Variants in IZUMO4 observed in about 807,000 individuals in gnomAD.
IZUMO4 encodes the protein IZUMO family member 4, also known as izumo sperm-egg fusion protein 4.
A neutral mutation model predicts 37.1 loss-of-function variants in IZUMO4; 51 were observed. The ratio of observed to expected loss-of-function variants is 1.38; its 90% CI spans 1.10 to 1.74. The LOEUF (loss-of-function observed/expected upper bound fraction) is 1.74. Ranked by LOEUF, IZUMO4 falls within the 40% of genes most tolerant of loss-of-function variation. The pLI, the probability that IZUMO4 is intolerant of heterozygous loss-of-function variation, is 0.00. For missense variants in IZUMO4, 364 were observed against 299.6 expected, an observed-to-expected ratio of 1.21 and a Z score of -1.59; for synonymous variants, 162 against 121.4, an observed-to-expected ratio of 1.33 and a Z score of -2.20.
Position 2,098,139 on chromosome 19 carries a change from G to A in IZUMO4, c.473+12G>A, listed in dbSNP as rs753599981. The A allele has an allele frequency of 2.5e-6, 4 of 1,613,330 alleles. No individual in the cohort carries two copies. The highest frequency in any genetic ancestry group is 3.4e-6 in the Non-Finnish European group (4 of 1,179,892). On this transcript the variant is annotated intron_variant, in intron 5 of 9. Coordinates refer to ENST00000395301, the MANE Select transcript of IZUMO4 (RefSeq NM_001039846.2). Reference sequence around the variant, plus strand: ...GGCTATAACTGCGAGTAGGGCTCAGGCATCACACCCACCCGTGCCAGGGCC... The same window carrying A: ...GGCTATAACTGCGAGTAGGGCTCAGACATCACACCCACCCGTGCCAGGGCC...
At position 2,097,957 on chromosome 19, in the gene IZUMO4, T is replaced by G; in HGVS notation, c.397+2T>G. ...GCATCGACTGTCAGCACCGCTGTGG[T>G]AAGCAAGGCTCCGTCCAGGCTGAGG... is the stretch of plus-strand genomic sequence containing the variant. On this transcript the variant is annotated splice_donor_variant, in intron 4 of 9. Transcript: ENST00000395301. LOFTEE classifies it high-confidence loss of function. 1.2e-6 allele frequency: 2 copies of G among 1,613,184 alleles called. No individual in the cohort carries two copies. The highest frequency in any genetic ancestry group is 1.3e-5 in the African/African-American group (1 of 75,048).
In IZUMO4 at chr19:2,097,985, C is replaced by A. The variant is rs116088503; in HGVS notation, c.397+30C>A. The stretch of plus-strand genomic sequence containing the variant: ...GCAAGGCTCCGTCCAGGCTGAGGGG[C>A]GTGCCGGTGGCAGCTCGGGGCCCTG... On this transcript the variant is annotated intron_variant, in intron 4 of 9. Coordinates refer to ENST00000395301, the MANE Select transcript of IZUMO4 (RefSeq NM_001039846.2). 1.5e-3 allele frequency: 2,462 copies of A among 1,613,122 alleles called. 38 individuals are homozygous for A. In the African/African-American group the frequency reaches 0.027, roughly 18 times the overall value.
chr19:2,099,486 A>AGGGC lies in IZUMO4; in HGVS notation c.*145_*148dup, dbSNP rs564560028. 377 of 364,866 alleles carry AGGGC rather than the reference A, an allele frequency of 1.0e-3. 1 individual carries two copies. Among genetic ancestry groups the AGGGC allele is most frequent in the African/African-American group, 7.6e-3 (350 of 45,798 alleles). 22.6% of individuals were successfully genotyped at this position (364,866 alleles called of 1,614,324 possible). A position where few individuals can be genotyped will look rare whatever the true frequency, so the allele number is the denominator to read the frequency against. On this transcript the variant is annotated 3_prime_UTR_variant, in exon 10 of 10. Transcript: ENST00000395301. The stretch of plus-strand genomic sequence containing the variant: ...CAGAGCTGAGCTGGCCAGGGCCAGG[A>AGGGC]GGGCGGGAGGGAGGGAATGGGGGTG...
At chr19:2,097,886 A>C in intron 3 of IZUMO4, 43 bp from the exon 4 acceptor site, 1 of 1,611,076 alleles carries the variant, frequency 6.2e-7, no homozygotes, top group Non-Finnish European at 8.5e-7. Flanking sequence ...GACTGGGGAC[A>C]AGGCTGGGCC....
At chr19:2,099,155 G>A in intron 9 of IZUMO4, 100 bp from the exon 10 acceptor site, 2 of 1,378,010 alleles carry the variant, frequency 1.5e-6, no homozygotes, top group Non-Finnish European at 2.1e-6. Flanking sequence ...GCCACACATA[G>A]GACCACACGT....
chr19:2,098,202 G>C, intron 5 of IZUMO4, 75 bp downstream of exon 5: 2 of 1,609,856 alleles, frequency 1.2e-6, no homozygotes, highest in Non-Finnish European at 1.7e-6. Context: ...CTTGGAGGGG[G>C]CTCCCCGCCT....
chr19:2,098,147 C>T lies in IZUMO4; in HGVS notation c.473+20C>T. ...CTGCGAGTAGGGCTCAGGCATCACA[C>T]CCACCCGTGCCAGGGCCCTACTGTC... On this transcript the variant is annotated intron_variant, in intron 5 of 9. Transcript: ENST00000395301. 2 of 1,612,830 alleles carry T rather than the reference C, an allele frequency of 1.2e-6. No homozygotes were observed. The highest frequency in any genetic ancestry group is 1.7e-6 in the Non-Finnish European group (2 of 1,179,380).
chr19:2,098,255 G>C, intron 5 of IZUMO4, 32 bp from the exon 6 acceptor site: 2 of 1,613,498 alleles, frequency 1.2e-6, no homozygotes, highest in South Asian at 1.1e-5. Context: ...GTGGGTTCAG[G>C]GGCGCACCAC....
Position 2,099,255 on chromosome 19 carries a change from C to T in IZUMO4, c.609C>T (p.Phe203=), listed in dbSNP as rs1190507887. 2.0e-5 allele frequency: 32 copies of T among 1,612,808 alleles called. No homozygotes were observed. Among genetic ancestry groups the T allele is most frequent in the Non-Finnish European group, 2.5e-5 (30 of 1,179,454 alleles). ...CTGAGGCAGCCTCGTCTCCCCGCAG[C>T]CTGGTATCGCCAGCCTTAAGGTGTC... The part of the protein sequence containing the change: ...WPGTHRATPA[F]LVSPALRCLE... The change falls in exon 10 of 10, where the codon TTC becomes TTT. Residue 203 remains phenylalanine, a splice_region_variant and synonymous_variant. Transcript: ENST00000395301.
At position 2,098,338 on chromosome 19, in the gene IZUMO4, A is replaced by G. The variant is rs769594773; in HGVS notation, c.521+4A>G. On this transcript the variant is annotated splice_donor_region_variant and intron_variant, in intron 6 of 9. Transcript: ENST00000395301. ...TCCAGGGCCTCCTGAACTACATGTG[A>G]GTGGGGTCTTTGGGTGGCAGCAAGC... The G allele has an allele frequency of 3.1e-6, 5 of 1,613,838 alleles. No homozygotes were observed. The highest frequency in any genetic ancestry group is 4.2e-6 in the Non-Finnish European group (5 of 1,180,016).
At chr19:2,097,755 G>T (rs1243087185) in intron 3 of IZUMO4, 174 bp from the exon 4 acceptor site, 1 of 793,052 alleles carries the variant, frequency 1.3e-6, no homozygotes, top group Admixed American at 2.6e-5. Context: ...TCTCACGCTG[G>T]GGGTCAACCT....
At chr19:2,098,724 G>A (rs1449679497) in intron 7 of IZUMO4, 63 bp from the exon 8 acceptor site, 9 of 1,599,424 alleles carry the variant, frequency 5.6e-6, no homozygotes, top group Non-Finnish European at 6.8e-6. Context: ...GAGCCTGGGA[G>A]GGTTCCCTAC....
rs765475442 is a variant in IZUMO4, at chr19:2,097,675, G to C, written c.370+180G>C. ...GAAGGATCAATGCCATCACCCCGCGGGGACCTCCCCTAAGTAGCCCCCAGA... is the reference window on the plus strand; with the variant it reads ...GAAGGATCAATGCCATCACCCCGCGCGGACCTCCCCTAAGTAGCCCCCAGA... On this transcript the variant is annotated intron_variant, in intron 3 of 9. Transcript: ENST00000395301. The C allele has an allele frequency of 2.1e-5, 15 of 717,450 alleles. No individual in the cohort carries two copies. The East Asian group carries it at 4.0e-4, about 19-fold the overall frequency. 44.4% of individuals were successfully genotyped at this position (717,450 alleles called of 1,614,324 possible). A position where few individuals can be genotyped will look rare whatever the true frequency, so the allele number is the denominator to read the frequency against.
Position 2,099,448 on chromosome 19 carries a change from C to G in IZUMO4, c.*103C>G. 1 of 796,306 alleles carries G rather than the reference C, an allele frequency of 1.3e-6. No individual in the cohort carries two copies. Among genetic ancestry groups the G allele is most frequent in the African/African-American group, 1.7e-5 (1 of 59,006 alleles). 49.3% of individuals were successfully genotyped at this position (796,306 alleles called of 1,614,324 possible). A position where few individuals can be genotyped will look rare whatever the true frequency, so the allele number is the denominator to read the frequency against. ...GGCTGCTGCTGCCTCAGGACCCCCT[C>G]TCCGACCCCGGACAGAGCTGAGCTG... On this transcript the variant is annotated 3_prime_UTR_variant, in exon 10 of 10. Coordinates refer to ENST00000395301, the MANE Select transcript of IZUMO4 (RefSeq NM_001039846.2).
intron 3 of IZUMO4, 171 bp from the exon 4 acceptor site, chr19:2,097,758 G>A (rs535952411): frequency 4.9e-6 from 4 of 817,380 alleles, no homozygotes; most frequent in Admixed American, 5.1e-5. Flanking sequence ...CACGCTGGGG[G>A]TCAACCTGGG....
chr19:2,098,869 G>A (rs542472855), intron 8 of IZUMO4, 65 bp downstream of exon 8: 77 of 1,575,412 alleles, frequency 4.9e-5, no homozygotes, highest in Admixed American at 4.4e-4. Context: ...GGGGCTAGGG[G>A]GTCCTCTAGA....
chr19:2,098,436 A>G lies in IZUMO4; in HGVS notation c.522A>G (p.Ile174Met), dbSNP rs1163419295. The change falls in exon 7 of 10, where the codon ATA becomes ATG. Residue 174 changes from isoleucine (I) to methionine (M), a missense_variant and splice_region_variant. Transcript: ENST00000395301. Reference protein sequence around the residue: ...KSAVQGLLNYINNWHKQDTSM... With the variant: ...KSAVQGLLNYMNNWHKQDTSM... ...GAGTCCAAACCCACTGTCTTTGTAG[A>G]AATAACTGGCACAAGTAAGTCCCCT... 2.5e-6 allele frequency: 4 copies of G among 1,613,916 alleles called. No homozygotes were observed. Among genetic ancestry groups the G allele is most frequent in the Middle Eastern group, 1.6e-4 (1 of 6,062 alleles).
chr19:2,099,227 G>C (rs370414679), intron 9 of IZUMO4, 28 bp from the exon 10 acceptor site: 6 of 1,594,620 alleles, frequency 3.8e-6, no homozygotes, highest in East Asian at 2.2e-5. Flanking sequence ...GGGACATGGA[G>C]AGCTGAGGCA....
chr19:2,098,899 T>C, intron 8 of IZUMO4, 77 bp from the exon 9 acceptor site: 1 of 1,581,184 alleles, frequency 6.3e-7, no homozygotes, highest in Non-Finnish European at 8.7e-7. Flanking sequence ...GCACTGCAGG[T>C]GGGGCTCTCC....
Sources: allele counts gnomAD v4.1 joint callset, GRCh38; gene constraint gnomAD v4.1.1; transcripts MANE v1.5; gene names NCBI Gene and HGNC (gene_info 2026-07-23, HGNC 2026-07-21).